The following RAP1GDS1 variants were observed in gnomAD, a reference collection of about 807,000 sequenced individuals.
RAP1GDS1 encodes Rap1 GTPase-GDP dissociation stimulator 1, also known as RAP1, GTP-GDP dissociation stimulator 1.
A neutral mutation model predicts 71.1 loss-of-function variants in RAP1GDS1; 35 were observed. That is an observed-to-expected ratio of 0.49 (90% CI 0.38 to 0.65). RAP1GDS1 has a LOEUF of 0.65. Ranked by LOEUF, RAP1GDS1 falls within the 30% of genes least tolerant of loss-of-function variation. RAP1GDS1 has a pLI of 0.00. For missense variants in RAP1GDS1, 663 were observed against 706.1 expected (o/e 0.94, Z 0.69); for synonymous variants, 229 against 243.1 (o/e 0.94, Z 0.54).
At chr4:98,289,971 G>T (rs1434915556) in intron 1 of RAP1GDS1, among the ~76,000 whole-genome samples, 1 of 151,794 alleles carries the variant, frequency 6.6e-6, no homozygotes, top group African/African-American at 2.4e-5. Context: ...AGATAGTTAT[G>T]TGAAAATAAT....
At chr4:98,297,665 G>A (rs1449218270) in intron 2 of RAP1GDS1, among the ~76,000 whole-genome samples, 2 of 151,992 alleles carry the variant, frequency 1.3e-5, no homozygotes, top group Admixed American at 6.6e-5. Context: ...TAGCTATGCC[G>A]TACCCCCTAC....
chr4:98,317,830 T>A (rs575749554), intron 2 of RAP1GDS1, among the ~76,000 whole-genome samples: 9,118 of 149,144 alleles, frequency 0.061, 325 homozygotes, highest in Admixed American at 0.13. Flanking sequence ...ATATATATTT[T>A]TTTTTCTTTT....
intron 12 of RAP1GDS1, 29 bp downstream of exon 12, chr4:98,421,423 A>C: frequency 3.2e-6 from 5 of 1,553,564 alleles, no homozygotes; most frequent in Non-Finnish European, 4.3e-6. Flanking sequence ...TGTTCACTAG[A>C]AAACTTCAGA....
At chr4:98,441,808 T>A (rs1316472244) in intron 14 of RAP1GDS1, 182 bp from the exon 15 acceptor site, 1 of 565,636 alleles carries the variant, frequency 1.8e-6, no homozygotes, top group East Asian at 1.4e-4. Flanking sequence ...AAAGTTTTTA[T>A]GATTTTTTTA....
rs78451123 is a variant in RAP1GDS1, at chr4:98,443,647, G to A, written c.*1530G>A. 1.3e-4 allele frequency: 28 copies of A among 209,596 alleles called. No homozygotes were observed. In the East Asian group the frequency reaches 1.9e-3, roughly 15 times the overall value. 13.0% of individuals were successfully genotyped at this position (209,596 alleles called of 1,614,324 possible). A position where few individuals can be genotyped will look rare whatever the true frequency, so the allele number is the denominator to read the frequency against. On this transcript the variant is annotated 3_prime_UTR_variant, in exon 15 of 15. Coordinates refer to ENST00000408927, the MANE Select transcript of RAP1GDS1 (RefSeq NM_001100427.2). ...AATCCAAGAAAGTTAAATTCTAATG[G>A]AGGTAAAGAATCTTGACTGATTGTT...
At chr4:98,406,995 A>C (rs1746218360) in intron 7 of RAP1GDS1, among the ~76,000 whole-genome samples, 1 of 152,112 alleles carries the variant, frequency 6.6e-6, no homozygotes, top group Non-Finnish European at 1.5e-5. Context: ...TTCAGAGGGA[A>C]ATTTTTTGCT....
At chr4:98,376,570 A>G (rs1741214152) in intron 4 of RAP1GDS1, among the ~76,000 whole-genome samples, 2 of 151,936 alleles carry the variant, frequency 1.3e-5, no homozygotes, top group Non-Finnish European at 2.9e-5. Flanking sequence ...ATTCCTTTGA[A>G]TCCTTAAATT....
At chr4:98,436,192 C>T (rs1311320839) in intron 13 of RAP1GDS1, among the ~76,000 whole-genome samples, 3 of 152,068 alleles carry the variant, frequency 2.0e-5, no homozygotes, top group Non-Finnish European at 4.4e-5. Context: ...AGCTGTCTTT[C>T]CTCCACTGCA....
chr4:98,393,470 G>A (rs17027552), intron 6 of RAP1GDS1, among the ~76,000 whole-genome samples: 11,610 of 151,814 alleles, frequency 0.076, 493 homozygotes, highest in Admixed American at 0.14. Context: ...ATTCTTTTCC[G>A]TGATTAAAAT....
chr4:98,319,828 G>T (rs974599334), intron 2 of RAP1GDS1, among the ~76,000 whole-genome samples: 3 of 150,188 alleles, frequency 2.0e-5, no homozygotes, highest in Admixed American at 1.3e-4. Context: ...AACTACACAG[G>T]TCCTCTTATA....
chr4:98,383,176 C>T (rs1270339930), intron 5 of RAP1GDS1, among the ~76,000 whole-genome samples: 1 of 151,422 alleles, frequency 6.6e-6, no homozygotes, highest in Non-Finnish European at 1.5e-5. Flanking sequence ...ACTTTTTCTC[C>T]TAGTATTGTT....
At chr4:98,312,268 C>G (rs1730338502) in intron 2 of RAP1GDS1, among the ~76,000 whole-genome samples, 1 of 152,128 alleles carries the variant, frequency 6.6e-6, no homozygotes, top group Admixed American at 6.5e-5. Context: ...CCAAATAGCC[C>G]TTATGAAGAG....
intron 7 of RAP1GDS1, among the ~76,000 whole-genome samples, chr4:98,406,589 C>A (rs963997351): frequency 6.6e-6 from 1 of 151,844 alleles, no homozygotes; most frequent in Non-Finnish European, 1.5e-5. Context: ...AATTTTAATA[C>A]CTCTTTCAAT....
chr4:98,355,850 G>A (rs1022966993), intron 4 of RAP1GDS1, among the ~76,000 whole-genome samples: 12 of 152,084 alleles, frequency 7.9e-5, no homozygotes, highest in African/African-American at 2.2e-4. Flanking sequence ...TAAATGGGAC[G>A]GAGTAAAGCT....
At chr4:98,308,751 A>G (rs1177593088) in intron 2 of RAP1GDS1, among the ~76,000 whole-genome samples, 2 of 152,178 alleles carry the variant, frequency 1.3e-5, no homozygotes, top group Non-Finnish European at 2.9e-5. Context: ...ACAAATATTT[A>G]TCTAATGAGA....
At chr4:98,298,822 G>A (rs1728162865) in intron 2 of RAP1GDS1, among the ~76,000 whole-genome samples, 1 of 152,016 alleles carries the variant, frequency 6.6e-6, no homozygotes, top group Non-Finnish European at 1.5e-5. Flanking sequence ...GTGGATTTGG[G>A]CAAACTAAAT....
At chr4:98,281,428 G>A (rs1057073617) in intron 1 of RAP1GDS1, among the ~76,000 whole-genome samples, 1 of 152,074 alleles carries the variant, frequency 6.6e-6, no homozygotes, top group African/African-American at 2.4e-5. Flanking sequence ...TTGGTGTATA[G>A]GAATGCTTGT....
chr4:98,325,544 T>C (rs1732884345), intron 2 of RAP1GDS1, among the ~76,000 whole-genome samples: 1 of 150,990 alleles, frequency 6.6e-6, no homozygotes, highest in Non-Finnish European at 1.5e-5. Flanking sequence ...AGTGATAGAC[T>C]GGATTAAGAA....
At chr4:98,350,727 A>G (rs1484977209) in intron 3 of RAP1GDS1, among the ~76,000 whole-genome samples, 2 of 152,104 alleles carry the variant, frequency 1.3e-5, no homozygotes, top group African/African-American at 2.4e-5. Context: ...AGTCCCAGCT[A>G]CTCGGGAGGC....
Sources: gnomAD v4.1 joint callset for allele counts (sites outside exome capture counted in the v4.1 genomes callset) on GRCh38, gnomAD v4.1.1 for gene constraint, MANE v1.5 for transcripts, NCBI Gene and HGNC (gene_info 2026-07-23, HGNC 2026-07-21) for gene names.